LYPLAL1: variants seen among roughly 807,000 people sequenced by gnomAD.
LYPLAL1 encodes the protein lysophospholipase-like protein 1.
In LYPLAL1, 23 loss-of-function variants were observed where a neutral mutation model predicts 19.7. That is an observed-to-expected ratio of 1.17 (90% confidence interval 0.84 to 1.65). The LOEUF is 1.65. LYPLAL1 is among the 40% of genes most tolerant of loss of function. The probability of loss-of-function intolerance (pLI) is 0.00; values close to 1 mark genes in which losing one functional copy is unlikely to be tolerated. For missense variants in LYPLAL1, 355 were observed against 279.4 expected (o/e 1.27, Z -1.93); for synonymous variants, 119 against 96.3 (o/e 1.24, Z -1.38).
At chr1:219,344,982 G>A in the LYPLAL1 span, among the ~76,000 whole-genome samples, 1 of 152,150 alleles carries the variant, frequency 6.6e-6, no homozygotes, top group East Asian at 1.9e-4. Flanking sequence ...TATCCTATAT[G>A]TGACTCAAAG....
At chr1:219,429,786 G>T in the LYPLAL1 span, among the ~76,000 whole-genome samples, 1 of 152,216 alleles carries the variant, frequency 6.6e-6, no homozygotes, top group Non-Finnish European at 1.5e-5. Flanking sequence ...CAATAAATAT[G>T]TATTGTGTGA....
chr1:219,338,654 A>T, the LYPLAL1 span, among the ~76,000 whole-genome samples: 1 of 151,908 alleles, frequency 6.6e-6, no homozygotes, highest in Non-Finnish European at 1.5e-5. Context: ...CATTTTCATC[A>T]TCAACATCAT....
At chr1:219,419,586 C>CAGAGAGAGAGAGAGAGAG in the LYPLAL1 span, among the ~76,000 whole-genome samples, 1 of 120,546 alleles carries the variant, frequency 8.3e-6, no homozygotes, top group African/African-American at 3.5e-5. Context: ...CACACACACA[C>CAGAGAGAGAGAGAGAGAG]ACACACACAG....
chr1:219,330,499 G>A, the LYPLAL1 span, among the ~76,000 whole-genome samples: 1 of 152,132 alleles, frequency 6.6e-6, no homozygotes, highest in Non-Finnish European at 1.5e-5. Context: ...TAAGGCCTCT[G>A]TGTTGAACCT....
rs1195269207 is a variant in LYPLAL1, at chr1:219,211,713, G to A, written c.699G>A (p.Met233Ile). 4.4e-6 allele frequency: 7 copies of A among 1,598,724 alleles called. No homozygotes were observed. The Admixed American group carries it at 5.2e-5, about 12-fold the overall frequency. The change falls in exon 5 of 5, where the codon ATG (methionine) becomes ATA (isoleucine). Residue 233 changes from methionine to isoleucine, a missense_variant. Transcript: ENST00000366928. ...TTCTTACAAAGCTGCCAGGAGAAAT[G>A]GAAAAACAAAAATGAATGAATCAAG... ...LWILTKLPGE[M>I]EKQK
the LYPLAL1 span, among the ~76,000 whole-genome samples, chr1:219,256,997 A>C: frequency 6.6e-6 from 1 of 152,020 alleles, no homozygotes; most frequent in African/African-American, 2.4e-5. Context: ...AATTTTAGTA[A>C]ATATTCCATG....
the LYPLAL1 span, among the ~76,000 whole-genome samples, chr1:219,298,473 G>A: frequency 2.2e-4 from 34 of 152,280 alleles, no homozygotes; most frequent in African/African-American, 7.9e-4. Context: ...TAGCCACTAA[G>A]GGAATGAGAA....
At chr1:219,339,232 A>G in the LYPLAL1 span, among the ~76,000 whole-genome samples, 26 of 152,130 alleles carry the variant, frequency 1.7e-4, no homozygotes, top group African/African-American at 4.6e-4. Context: ...GTCTAGATCT[A>G]GGAGGACTGA....
the LYPLAL1 span, among the ~76,000 whole-genome samples, chr1:219,378,480 A>G: frequency 6.6e-6 from 1 of 152,150 alleles, no homozygotes; most frequent in Non-Finnish European, 1.5e-5. Context: ...GGGAACTACA[A>G]TTCAAGATGA....
chr1:219,369,119 A>C, the LYPLAL1 span, among the ~76,000 whole-genome samples: 1 of 152,264 alleles, frequency 6.6e-6, no homozygotes, highest in Non-Finnish European at 1.5e-5. Context: ...CTCCCACATA[A>C]CAGGCTCAGA....
chr1:219,228,142 C>G, the LYPLAL1 span, among the ~76,000 whole-genome samples: 1 of 152,192 alleles, frequency 6.6e-6, no homozygotes, highest in African/African-American at 2.4e-5. Flanking sequence ...CTGGCTGTTT[C>G]TTGAGAGTGA....
chr1:219,398,444 A>G, the LYPLAL1 span, among the ~76,000 whole-genome samples: 1 of 152,136 alleles, frequency 6.6e-6, no homozygotes, highest in Non-Finnish European at 1.5e-5. Context: ...TTTGTCTGTC[A>G]GCTCCCGCAT....
chr1:219,419,594 C>CACACAGAGAGAGAGAGAGAGAGAGAG, the LYPLAL1 span, among the ~76,000 whole-genome samples: 1 of 99,528 alleles, frequency 1.0e-5, no homozygotes, highest in African/African-American at 4.0e-5. Flanking sequence ...CACACACACA[C>CACACAGAGAGAGAGAGAGAGAGAGAG]AGAGAGAGAG....
chr1:219,338,130 A>G, the LYPLAL1 span, among the ~76,000 whole-genome samples: 1 of 152,030 alleles, frequency 6.6e-6, no homozygotes, highest in South Asian at 2.1e-4. Flanking sequence ...TTCAAGGGCA[A>G]GCATGCAACC....
chr1:219,202,228 A>G (rs1658167424), intron 3 of LYPLAL1, among the ~76,000 whole-genome samples: 1 of 152,188 alleles, frequency 6.6e-6, no homozygotes, highest in South Asian at 2.1e-4. Flanking sequence ...TGAACTAGTC[A>G]GTTCATGTGA....
the LYPLAL1 span, among the ~76,000 whole-genome samples, chr1:219,245,886 A>C: frequency 6.6e-6 from 1 of 152,226 alleles, no homozygotes; most frequent in South Asian, 2.1e-4. Flanking sequence ...TAAACTGCAC[A>C]CTGTGGACTC....
At chr1:219,355,874 C>CA in the LYPLAL1 span, among the ~76,000 whole-genome samples, 1 of 151,376 alleles carries the variant, frequency 6.6e-6, no homozygotes, top group Non-Finnish European at 1.5e-5. Context: ...ATAAATAGGA[C>CA]AAAAAATCAG....
At chr1:219,310,005 A>G in the LYPLAL1 span, among the ~76,000 whole-genome samples, 5 of 152,218 alleles carry the variant, frequency 3.3e-5, no homozygotes, top group Non-Finnish European at 4.4e-5. Context: ...TATTTAATGA[A>G]GATAAAATTT....
At chr1:219,407,548 T>G in the LYPLAL1 span, among the ~76,000 whole-genome samples, 35 of 152,226 alleles carry the variant, frequency 2.3e-4, no homozygotes, top group Admixed American at 1.6e-3. Context: ...TGTATGTTAC[T>G]GTAAGTATTT....
Sources: allele counts gnomAD v4.1 joint callset (sites outside exome capture counted in the v4.1 genomes callset), GRCh38; gene constraint gnomAD v4.1.1; transcripts MANE v1.5; gene names NCBI Gene and HGNC (gene_info 2026-07-23, HGNC 2026-07-21).